The following RBFOX1 variants were observed in gnomAD, a reference collection of about 807,000 sequenced individuals.
The protein encoded by RBFOX1 is RNA binding fox-1 homolog 1.
RBFOX1 carries 8 observed loss-of-function variants against 57.7 expected under a neutral mutation model. That is an observed-to-expected ratio of 0.14 (90% CI 0.08 to 0.25). The LOEUF (loss-of-function observed/expected upper bound fraction) is 0.25. Among genes scored for constraint, RBFOX1 ranks in the 10% least tolerant of loss-of-function variants. The pLI, the probability that RBFOX1 is intolerant of heterozygous loss-of-function variation, is 1.00. For missense variants in RBFOX1, 611 were observed against 548.5 expected (o/e 1.11, Z -1.14); for synonymous variants, 326 against 222.4 (o/e 1.47, Z -4.15).
chr16:7,083,981 C>G (rs1350162386), intron 4 of RBFOX1, among the ~76,000 whole-genome samples: 3 of 152,118 alleles, frequency 2.0e-5, no homozygotes, highest in African/African-American at 7.2e-5. Context: ...TTGCCCCGCT[C>G]ACAGTCTTGA....
intron 11 of RBFOX1, among the ~76,000 whole-genome samples, chr16:7,642,698 T>C (rs2063046772): frequency 2.0e-5 from 3 of 152,158 alleles, no homozygotes; most frequent in African/African-American, 4.8e-5. Context: ...GTTTTTTTTT[T>C]CCGTGGTTTC....
chr16:7,310,606 C>A (rs1032265353), intron 4 of RBFOX1, among the ~76,000 whole-genome samples: 1 of 152,218 alleles, frequency 6.6e-6, no homozygotes. Context: ...GGCACCACTT[C>A]CTAAGTCCTG....
chr16:5,912,845 A>T (rs1447542440), intron 4 of RBFOX1, among the ~76,000 whole-genome samples: 1 of 152,154 alleles, frequency 6.6e-6, no homozygotes, highest in Non-Finnish European at 1.5e-5. Context: ...TAATGAGGAA[A>T]AGTATAACGA....
At chr16:6,197,934 A>T (rs1480917113) in intron 1 of RBFOX1, among the ~76,000 whole-genome samples, 2 of 152,192 alleles carry the variant, frequency 1.3e-5, no homozygotes, top group African/African-American at 4.8e-5. Context: ...TTTGCTAAAG[A>T]CGATGGCCTC....
chr16:5,801,957 G>T (rs1305703552), intron 3 of RBFOX1, among the ~76,000 whole-genome samples: 1 of 152,156 alleles, frequency 6.6e-6, no homozygotes, highest in Non-Finnish European at 1.5e-5. Context: ...TTGGACGTGT[G>T]TGCTTTTCTG....
intron 4 of RBFOX1, among the ~76,000 whole-genome samples, chr16:5,974,240 T>A (rs1359422683): frequency 6.6e-6 from 1 of 152,214 alleles, no homozygotes; most frequent in Non-Finnish European, 1.5e-5. Context: ...CATTTGGAAC[T>A]GCAAAGAGAG....
At chr16:6,960,047 C>A (rs1424562658) in intron 3 of RBFOX1, among the ~76,000 whole-genome samples, 1 of 152,064 alleles carries the variant, frequency 6.6e-6, no homozygotes, top group African/African-American at 2.4e-5. Flanking sequence ...GGCCTTGAAA[C>A]ATGACAAGAT....
At chr16:6,959,441 C>T (rs1416062934) in intron 3 of RBFOX1, among the ~76,000 whole-genome samples, 5 of 152,154 alleles carry the variant, frequency 3.3e-5, no homozygotes, top group African/African-American at 1.2e-4. Context: ...GGGATGAAGG[C>T]AGAAGTTGGA....
At chr16:6,979,611 C>A (rs540232127) in intron 3 of RBFOX1, among the ~76,000 whole-genome samples, 8 of 152,280 alleles carry the variant, frequency 5.3e-5, no homozygotes, top group Middle Eastern at 3.4e-3. Context: ...CTCTTTCATT[C>A]ACAGTTTGGG....
intron 2 of RBFOX1, among the ~76,000 whole-genome samples, chr16:6,486,906 G>A (rs1270881196): frequency 6.6e-6 from 1 of 152,034 alleles, no homozygotes; most frequent in East Asian, 1.9e-4. Context: ...TAGATAATCA[G>A]AATAGCAGTC....
At chr16:5,791,855 G>A (rs1158965970) in intron 3 of RBFOX1, among the ~76,000 whole-genome samples, 1 of 152,196 alleles carries the variant, frequency 6.6e-6, no homozygotes, top group Non-Finnish European at 1.5e-5. Flanking sequence ...ATAAAGAGGT[G>A]GAGAAAATGG....
At chr16:6,592,997 A>G (rs1770106573) in intron 2 of RBFOX1, among the ~76,000 whole-genome samples, 1 of 152,162 alleles carries the variant, frequency 6.6e-6, no homozygotes, top group Non-Finnish European at 1.5e-5. Flanking sequence ...GTTCACGACT[A>G]GCCCGGCCAA....
chr16:6,464,130 C>A (rs1242993025), intron 2 of RBFOX1, among the ~76,000 whole-genome samples: 1 of 152,108 alleles, frequency 6.6e-6, no homozygotes, highest in Admixed American at 6.5e-5. Flanking sequence ...ACATTTAATT[C>A]CTGCATGTAA....
rs776622133 is a variant in RBFOX1, at chr16:5,599,197, T to TA, written c.560dup (p.Thr188AspfsTer76). The TA allele has an allele frequency of 5.7e-6, 4 of 702,600 alleles. No individual in the cohort carries two copies. The highest frequency in any genetic ancestry group is 1.0e-5 in the Non-Finnish European group (4 of 385,676). The allele number at this position is 702,600 out of a possible 1,614,324, so 43.5% of individuals were successfully genotyped here. ...GGTGTGAGAGCTGTATTCTGTCCTC[T>TA]AAAAAAGACCAGGCCCACTTGGTGG... On this transcript the variant is annotated frameshift_variant, in exon 3 of 3. Coordinates refer to the RBFOX1 transcript ENST00000585867. LOFTEE classifies it low-confidence loss of function (END_TRUNC).
chr16:6,204,860 C>T (rs1268680191), intron 1 of RBFOX1, among the ~76,000 whole-genome samples: 1 of 151,932 alleles, frequency 6.6e-6, no homozygotes, highest in Non-Finnish European at 1.5e-5. Flanking sequence ...AAAGGGCATT[C>T]CAAAAGAAAG....
chr16:6,828,533 A>G (rs1252181711), intron 3 of RBFOX1, among the ~76,000 whole-genome samples: 1 of 151,974 alleles, frequency 6.6e-6, no homozygotes, highest in Non-Finnish European at 1.5e-5. Flanking sequence ...AAAAAAAAAA[A>G]AAATCAGATA....
At chr16:7,348,091 T>G (rs1351920620) in intron 4 of RBFOX1, among the ~76,000 whole-genome samples, 2 of 152,242 alleles carry the variant, frequency 1.3e-5, no homozygotes, top group East Asian at 3.8e-4. Context: ...CAAAACTGTT[T>G]TAAAACATTG....
intron 2 of RBFOX1, among the ~76,000 whole-genome samples, chr16:5,490,334 C>A (rs549592212): frequency 6.6e-6 from 1 of 152,268 alleles, no homozygotes; most frequent in East Asian, 1.9e-4. Flanking sequence ...TATCACCTGC[C>A]CCCCTTACAG....
At chr16:5,392,303 A>G (rs2066433584) in intron 1 of RBFOX1, among the ~76,000 whole-genome samples, 1 of 152,154 alleles carries the variant, frequency 6.6e-6, no homozygotes, top group African/African-American at 2.4e-5. Flanking sequence ...TACTTAAAAA[A>G]TAAAATAAGG....
Sources: allele counts gnomAD v4.1 joint callset (sites outside exome capture counted in the v4.1 genomes callset), GRCh38; gene constraint gnomAD v4.1.1; transcripts MANE v1.5; gene names NCBI Gene and HGNC (gene_info 2026-07-23, HGNC 2026-07-21).